Variants in FRMD1 observed in about 807,000 individuals in gnomAD.
FRMD1 encodes FERM domain-containing protein 1.
Under a neutral mutation model 54.9 loss-of-function variants are expected in FRMD1, and 51 were observed. That is an observed-to-expected ratio of 0.93 (90% CI 0.74 to 1.17). FRMD1 has a LOEUF of 1.17. FRMD1 is among the 50% of genes most tolerant of loss of function. The probability of loss-of-function intolerance (pLI) is 0.00; values close to 1 mark genes in which losing one functional copy is unlikely to be tolerated. For missense variants in FRMD1, 729 were observed against 743.0 expected (o/e 0.98, Z 0.22); for synonymous variants, 324 against 306.4 (o/e 1.06, Z -0.60).
At chr6:168,088,075 G>T (rs796585742) in intron 1 of FRMD1, among the ~76,000 whole-genome samples, 1 of 152,132 alleles carries the variant, frequency 6.6e-6, no homozygotes, top group Non-Finnish European at 1.5e-5. Flanking sequence ...AGTCTCCCCC[G>T]CAGGCCCTCA....
chr6:168,088,422 A>G lies in FRMD1; in HGVS notation c.-11-9398T>C, dbSNP rs116406225. Among the ~76,000 whole-genome samples the G allele has an allele frequency of 4.8e-3, 727 of 152,280 alleles. 16 individuals carry two copies. Among genetic ancestry groups the G allele is most frequent in the African/African-American group, 0.017 (693 of 41,550 alleles). On this transcript the variant is annotated intron_variant, in intron 1 of 12. Transcript: ENST00000644440. ...GCCTCTCAGCTGCTACTGCTGCCTCAGCTCTGGACTTTTCCCCTCCACCCA... is the reference window on the plus strand; with the variant it reads ...GCCTCTCAGCTGCTACTGCTGCCTCGGCTCTGGACTTTTCCCCTCCACCCA...
intron 1 of FRMD1, among the ~76,000 whole-genome samples, chr6:168,090,161 C>A (rs7750135): frequency 0.33 from 49,593 of 151,810 alleles, 8,801 homozygotes; most frequent in African/African-American, 0.46. Context: ...CTGGTTGGCT[C>A]GTCTCCCTCC....
intron 1 of FRMD1, chr6:168,075,794 C>A (rs1222716435): frequency 1.9e-6 from 3 of 1,550,388 alleles, no homozygotes; most frequent in Non-Finnish European, 2.6e-6. Context: ...ACAGCTGAGC[C>A]TCTCACGGCA....
upstream of FRMD1, among the ~76,000 whole-genome samples, chr6:168,080,194 T>A (rs563403535): frequency 4.5e-4 from 68 of 152,092 alleles, 1 homozygote; most frequent in Admixed American, 4.1e-3. Flanking sequence ...CCAGCCGCCC[T>A]AAGGCCCGGC....
rs374362671 is a variant in FRMD1 at position 168,057,114 on chromosome 6, G to C, written c.1633C>G (p.Gln545Glu). Residue 545 changes from glutamine to glutamate, a missense_variant, in exon 11 of 11, where the codon CAG (glutamine) becomes GAG (glutamate). Gln to Glu is a conservative substitution (Grantham distance 29). Coordinates refer to ENST00000283309, the MANE Select transcript of FRMD1 (RefSeq NM_024919.6). The part of the protein sequence containing the change: ...ALDLFGEAPP[Q>E]EFVV ...GGTGGTGCCTACACCACAAACTCCT[G>C]TGGTGGAGCCTCTCCGAACAGGTCC... 36 of 1,489,948 alleles carry C rather than the reference G, an allele frequency of 2.4e-5. No homozygotes were observed. Among genetic ancestry groups the C allele is most frequent in the Non-Finnish European group, 3.2e-5 (36 of 1,116,406 alleles). 92.3% of individuals were successfully genotyped at this position (1,489,948 alleles called of 1,614,324 possible). A position where few individuals can be genotyped will look rare whatever the true frequency, so the allele number is the denominator to read the frequency against.
chr6:168,075,055 G>A (rs961774057), intron 2 of FRMD1, among the ~76,000 whole-genome samples, 190 bp downstream of exon 2: 2 of 152,052 alleles, frequency 1.3e-5, no homozygotes, highest in Non-Finnish European at 2.9e-5. Context: ...GTACCTGCAT[G>A]TGTGTGGTGT....
rs990914529 is a variant in FRMD1, at chr6:168,066,535, G to T, written c.461+220C>A. On this transcript the variant is annotated intron_variant, in intron 4 of 10. Transcript: ENST00000283309. ...AAACAAAACAAAAAGAAAAAGAAAAGAAAAAGAAGTACCAATTTATGACAC... is the reference window on the plus strand; with the variant it reads ...AAACAAAACAAAAAGAAAAAGAAAATAAAAAGAAGTACCAATTTATGACAC... 3.3e-5 allele frequency: 43 copies of T among 1,285,132 alleles called. No individual in the cohort carries two copies. In the Middle Eastern group the frequency reaches 8.7e-4, roughly 26 times the overall value. 79.6% of individuals were successfully genotyped at this position (1,285,132 alleles called of 1,614,324 possible). A position where few individuals can be genotyped will look rare whatever the true frequency, so the allele number is the denominator to read the frequency against.
chr6:168,091,026 G>A (rs1801007893), intron 1 of FRMD1, among the ~76,000 whole-genome samples: 1 of 152,228 alleles, frequency 6.6e-6, no homozygotes, highest in Non-Finnish European at 1.5e-5. Flanking sequence ...CTCTGCCCTG[G>A]GCTCCGTGGG....
At chr6:168,062,100 C>A in intron 7 of FRMD1, 119 bp from the exon 8 acceptor site, 1 of 1,057,758 alleles carries the variant, frequency 9.5e-7, no homozygotes, top group Non-Finnish European at 1.4e-6. Context: ...GTTTTCACTT[C>A]GCAGTGCAGA....
intron 2 of FRMD1, among the ~76,000 whole-genome samples, chr6:168,068,788 A>G (rs914255985): frequency 2.0e-5 from 3 of 152,238 alleles, no homozygotes; most frequent in Non-Finnish European, 4.4e-5. Context: ...ACATATGAAG[A>G]TACTCCATCC....
chr6:168,073,155 A>G (rs1414274716), intron 2 of FRMD1, among the ~76,000 whole-genome samples: 2 of 152,142 alleles, frequency 1.3e-5, no homozygotes, highest in African/African-American at 4.8e-5. Flanking sequence ...TCCCGGGTGT[A>G]AGCCCAGTGC....
intron 1 of FRMD1, among the ~76,000 whole-genome samples, chr6:168,076,756 G>C (rs1016119845): frequency 1.3e-5 from 2 of 152,182 alleles, no homozygotes; most frequent in Non-Finnish European, 2.9e-5. Flanking sequence ...TGCTTAACTT[G>C]GTGAGGGGCA....
At position 168,079,069 on chromosome 6, in the gene FRMD1, C is replaced by T. The variant is rs773483168; in HGVS notation, c.26G>A (p.Gly9Asp). MAVPPRGR[G>D]IDPARTNPDT... Reference sequence around the variant, plus strand: ...AGGGTTTGTCCGGGCGGGGTCTATGCCCCTCCCTCTCGGGGGCACCGCCAT... The same window carrying T: ...AGGGTTTGTCCGGGCGGGGTCTATGTCCCTCCCTCTCGGGGGCACCGCCAT... Residue 9 changes from glycine to aspartate, a missense_variant, in exon 1 of 11, where the codon GGC becomes GAC. By Grantham distance (94) the Gly-to-Asp change is moderately conservative. Coordinates refer to ENST00000283309, the MANE Select transcript of FRMD1 (RefSeq NM_024919.6). 6 of 1,607,850 alleles carry T rather than the reference C, an allele frequency of 3.7e-6. No homozygotes were observed. The highest frequency in any genetic ancestry group is 5.1e-6 in the Non-Finnish European group (6 of 1,179,472).
Position 168,064,999 on chromosome 6 carries a change from G to A in FRMD1, c.520C>T (p.Gln174Ter), listed in dbSNP as rs768953220. 5 of 1,611,814 alleles carry A rather than the reference G, an allele frequency of 3.1e-6. No individual in the cohort carries two copies. The African/African-American group carries it at 5.3e-5, about 17-fold the overall frequency. Residue 174 changes from glutamine to a stop codon, truncating the protein, a stop_gained, in exon 5 of 11, where the codon CAG (glutamine) becomes TAG (stop). Transcript: ENST00000283309. LOFTEE classifies it high-confidence loss of function. Reference protein sequence around the residue: ...CHLKERVLRSQCAHREEAYFL... With the variant: ...CHLKERVLRS ...TAGGCTTCCTCCCGGTGAGCGCACT[G>A]TGACCTCAGCACGCGCTCCTTCAAG...
intron 1 of FRMD1, among the ~76,000 whole-genome samples, chr6:168,090,801 C>T (rs1382622707): frequency 6.6e-6 from 1 of 152,244 alleles, no homozygotes; most frequent in Non-Finnish European, 1.5e-5. Flanking sequence ...CACACGTCCA[C>T]CATGCACGGT....
chr6:168,072,222 GC>G (rs1195163457), intron 2 of FRMD1, among the ~76,000 whole-genome samples: 1 of 152,110 alleles, frequency 6.6e-6, no homozygotes, highest in Non-Finnish European at 1.5e-5. Flanking sequence ...TGCACCCCCT[GC>G]TGGGAGGGGA....
Position 168,057,036 on chromosome 6 carries a change from G to T in FRMD1, c.*61C>A, listed in dbSNP as rs569184907. On this transcript the variant is annotated 3_prime_UTR_variant, in exon 11 of 11. Transcript: ENST00000283309. ...GGCAGGAAGGGACGAGGGCCATGTGGAAGTGGGGTGGGCAGGGGCTGAGCC... is the reference window on the plus strand; with the variant it reads ...GGCAGGAAGGGACGAGGGCCATGTGTAAGTGGGGTGGGCAGGGGCTGAGCC... The T allele has an allele frequency of 5.6e-6, 8 of 1,430,264 alleles. No individual in the cohort carries two copies. The highest frequency in any genetic ancestry group is 7.3e-6 in the Non-Finnish European group (8 of 1,090,380). The allele number at this position is 1,430,264 out of a possible 1,614,324, so 88.6% of individuals were successfully genotyped here. A position where few individuals can be genotyped will look rare whatever the true frequency, so the allele number is the denominator to read the frequency against.
At chr6:168,081,192 G>A (rs7753203), upstream of FRMD1, among the ~76,000 whole-genome samples, 16,068 of 152,058 alleles carry the variant, frequency 0.11, 849 homozygotes, top group African/African-American at 0.12. Flanking sequence ...TCCTGAAAAC[G>A]TGCTGAGGCT....
At chr6:168,063,172 C>T (rs1327117033) in intron 6 of FRMD1, among the ~76,000 whole-genome samples, 1 of 152,236 alleles carries the variant, frequency 6.6e-6, no homozygotes, top group East Asian at 1.9e-4. Flanking sequence ...CAGATAAACA[C>T]CAGCCACGAC....
Sources: allele counts gnomAD v4.1 joint callset (sites outside exome capture counted in the v4.1 genomes callset), GRCh38; gene constraint gnomAD v4.1.1; transcripts MANE v1.5; gene names NCBI Gene and HGNC (gene_info 2026-07-23, HGNC 2026-07-21).